Variants in FRMD5 observed in about 807,000 individuals in gnomAD.
The protein encoded by FRMD5 is FERM domain containing 5.
A neutral mutation model predicts 69.0 loss-of-function variants in FRMD5; 20 were observed. The observed-to-expected ratio is 0.29, with a 90% CI of 0.20 to 0.42. The LOEUF (loss-of-function observed/expected upper bound fraction) is 0.42. FRMD5 is among the 10% of genes least tolerant of loss of function. FRMD5 has a pLI of 1.00. For synonymous variants in FRMD5, 271 were observed against 260.1 expected, an observed-to-expected ratio of 1.04 and a Z score of -0.40; for missense variants, 595 against 708.6, an observed-to-expected ratio of 0.84 and a Z score of 1.82.
At chr15:44,148,053 T>G (rs529127648) in intron 1 of FRMD5, among the ~76,000 whole-genome samples, 24 of 152,336 alleles carry the variant, frequency 1.6e-4, no homozygotes, top group African/African-American at 5.5e-4. Context: ...TAGCATTTCT[T>G]TAATCCAGCA....
rs906897784 is a variant in FRMD5, at chr15:43,885,687, C to A, written c.953G>T (p.Arg318Leu). The part of the protein sequence containing the change: ...SNLFFKGSRF[R>L]YSGRVAKEVM... ...ACTTACTGTCACTATTTACCTGTATCGGAACCGGCTCCCTTTAAAGAATAA... is the reference window on the plus strand; with the variant it reads ...ACTTACTGTCACTATTTACCTGTATAGGAACCGGCTCCCTTTAAAGAATAA... The change falls in exon 11 of 14, where the codon CGA (arginine) becomes CTA (leucine). Residue 318 changes from arginine to leucine, a missense_variant. By Grantham distance (102) the Arg-to-Leu change is moderately radical. Transcript: ENST00000417257. 1 of 1,613,416 alleles carries A rather than the reference C, an allele frequency of 6.2e-7. No individual in the cohort carries two copies. Among genetic ancestry groups the A allele is most frequent in the Non-Finnish European group, 8.5e-7 (1 of 1,179,466 alleles).
chr15:44,064,929 AACATAG>A (rs1465816078), intron 1 of FRMD5, among the ~76,000 whole-genome samples: 1 of 152,230 alleles, frequency 6.6e-6, no homozygotes, highest in South Asian at 2.1e-4. Flanking sequence ...ACACAATAAA[AACATAG>A]ACAGGATGTC....
At chr15:43,969,299 C>T (rs1349125979) in intron 1 of FRMD5, among the ~76,000 whole-genome samples, 2 of 152,044 alleles carry the variant, frequency 1.3e-5, no homozygotes, top group African/African-American at 2.4e-5. Flanking sequence ...CCAGCCTTGT[C>T]TCACACTCCT....
chr15:44,058,654 C>T (rs958141851), intron 1 of FRMD5, among the ~76,000 whole-genome samples: 5 of 151,804 alleles, frequency 3.3e-5, no homozygotes, highest in African/African-American at 1.2e-4. Flanking sequence ...GGCGTGGTGG[C>T]GGGTGCCTGT....
At chr15:44,033,277 A>T (rs1257113354) in intron 1 of FRMD5, among the ~76,000 whole-genome samples, 1 of 152,196 alleles carries the variant, frequency 6.6e-6, no homozygotes, top group East Asian at 1.9e-4. Context: ...AGCAGAAAAG[A>T]TAACTATTGG....
chr15:44,162,191 C>A (rs1040181381), intron 1 of FRMD5, among the ~76,000 whole-genome samples: 1 of 151,594 alleles, frequency 6.6e-6, no homozygotes, highest in Non-Finnish European at 1.5e-5. Context: ...GTCTCAAACT[C>A]CTGACCTTGT....
Position 43,898,025 on chromosome 15 carries a change from A to G in FRMD5, c.639+4150T>C, listed in dbSNP as rs139180197. On this transcript the variant is annotated intron_variant, in intron 7 of 13. Transcript: ENST00000417257. The stretch of plus-strand genomic sequence containing the variant: ...CCATTTGGAACTATGAGTCAATTAA[A>G]CCTCTTTTCTTTATAAATTACTCAG... Among the ~76,000 whole-genome samples the G allele has an allele frequency of 1.6e-3, 249 of 152,230 alleles. 1 individual carries two copies. The highest frequency in any genetic ancestry group is 4.9e-3 in the African/African-American group (205 of 41,528).
At chr15:44,090,446 T>TG (rs1363393483) in intron 1 of FRMD5, among the ~76,000 whole-genome samples, 2 of 151,506 alleles carry the variant, frequency 1.3e-5, no homozygotes, top group Non-Finnish European at 2.9e-5. Flanking sequence ...ATAACTACTT[T>TG]TTTTTTTTTT....
At chr15:44,072,217 A>G (rs996156388) in intron 1 of FRMD5, among the ~76,000 whole-genome samples, 4 of 152,304 alleles carry the variant, frequency 2.6e-5, no homozygotes, top group Middle Eastern at 3.4e-3. Flanking sequence ...GTACAAACAG[A>G]CAAAACATGC....
At chr15:43,992,333 G>C (rs943944831) in intron 1 of FRMD5, among the ~76,000 whole-genome samples, 1 of 121,902 alleles carries the variant, frequency 8.2e-6, no homozygotes, top group Admixed American at 1.0e-4. Context: ...TGATGAGAAG[G>C]TTGTAAATTC....
At chr15:43,913,704 C>G (rs970857684) in intron 4 of FRMD5, among the ~76,000 whole-genome samples, 1 of 152,222 alleles carries the variant, frequency 6.6e-6, no homozygotes, top group African/African-American at 2.4e-5. Flanking sequence ...TGCAGCCCTC[C>G]TGAATCTCTG....
At position 43,902,199 on chromosome 15, in the gene FRMD5, A is replaced by G. The variant is rs148406804; in HGVS notation, c.615T>C (p.Tyr205=). The change falls in exon 7 of 14, where the codon TAT becomes TAC. Residue 205 remains tyrosine (Y), a synonymous_variant. Coordinates refer to ENST00000417257, the MANE Select transcript of FRMD5 (RefSeq NM_032892.5). ...FLRKAQTLET[Y]GVDPHPCKDV... ...CCTTACATGGGTGAGGATCCACTCC[A>G]TATGTTTCCAATGTCTGTGCTTTTC... The G allele has an allele frequency of 9.5e-4, 1,540 of 1,613,998 alleles. 14 individuals are homozygous for G. In the African/African-American group the frequency reaches 0.018, roughly 18 times the overall value.
intron 1 of FRMD5, among the ~76,000 whole-genome samples, chr15:43,967,676 T>C (rs2140564845): frequency 6.6e-6 from 1 of 152,330 alleles, no homozygotes; most frequent in East Asian, 1.9e-4. Context: ...ATTTTAAGAT[T>C]GAGACCTGTA....
intron 7 of FRMD5, among the ~76,000 whole-genome samples, chr15:43,892,797 T>C (rs1171422253): frequency 2.0e-5 from 3 of 152,202 alleles, no homozygotes; most frequent in African/African-American, 7.2e-5. Context: ...AACCACTGAA[T>C]TGTACACTTT....
chr15:43,919,447 T>C lies in FRMD5; in HGVS notation c.329+12A>G. On this transcript the variant is annotated intron_variant, in intron 4 of 13. Transcript: ENST00000417257. Reference sequence around the variant, plus strand: ...CAGGTCCTAATGGCTGCGGGAAGCATGTTCACCTCACCTGGTTATTTCTTC... The same window carrying C: ...CAGGTCCTAATGGCTGCGGGAAGCACGTTCACCTCACCTGGTTATTTCTTC... 6.2e-7 allele frequency: 1 copy of C among 1,612,814 alleles called. No homozygotes were observed. The highest frequency in any genetic ancestry group is 8.5e-7 in the Non-Finnish European group (1 of 1,178,852).
In FRMD5 at chr15:44,098,297, C is replaced by T. The variant is rs1021148447; in HGVS notation, c.102+96656G>A. 7.9e-5 allele frequency among the ~76,000 whole-genome samples: 12 copies of T among 152,066 alleles called. No homozygotes were observed. In the South Asian group the frequency reaches 1.2e-3, roughly 16 times the overall value. The stretch of plus-strand genomic sequence containing the variant: ...ATCCTAGCACTTTGGGAGGCCAAGG[C>T]GGGCAGATCACGAGGTCAAGAGATC... On this transcript the variant is annotated intron_variant, in intron 1 of 13. Coordinates refer to ENST00000417257, the MANE Select transcript of FRMD5 (RefSeq NM_032892.5).
chr15:44,143,905 C>T (rs999433906), intron 1 of FRMD5, among the ~76,000 whole-genome samples: 9 of 120,492 alleles, frequency 7.5e-5, no homozygotes, highest in African/African-American at 2.9e-4. Context: ...GTCTGGGCGA[C>T]AGACTGAGAC....
intron 1 of FRMD5, among the ~76,000 whole-genome samples, chr15:44,155,815 G>T (rs986579692): frequency 2.0e-5 from 3 of 151,720 alleles, no homozygotes; most frequent in African/African-American, 7.3e-5. Flanking sequence ...GGCTGGTCTT[G>T]AACTCCTGAC....
chr15:43,968,663 A>T (rs1566869092), intron 1 of FRMD5, among the ~76,000 whole-genome samples: 2 of 152,296 alleles, frequency 1.3e-5, no homozygotes, highest in East Asian at 3.9e-4. Flanking sequence ...CTATGTATGA[A>T]CGTGTATGGA....
Sources: allele counts gnomAD v4.1 joint callset (sites outside exome capture counted in the v4.1 genomes callset), GRCh38; gene constraint gnomAD v4.1.1; transcripts MANE v1.5; gene names NCBI Gene and HGNC (gene_info 2026-07-23, HGNC 2026-07-21).